ISM1: variants seen among roughly 807,000 people sequenced by gnomAD.
The protein encoded by ISM1 is isthmin 1, also known as isthmin-1.
A neutral mutation model predicts 46.3 loss-of-function variants in ISM1; 25 were observed. The observed-to-expected ratio is 0.54, with a 90% CI of 0.39 to 0.75. ISM1 has a LOEUF of 0.75. Ranked by LOEUF, ISM1 falls within the 30% of genes least tolerant of loss-of-function variation. The pLI, the probability that ISM1 is intolerant of heterozygous loss-of-function variation, is 0.00. For missense variants in ISM1, 536 were observed against 625.4 expected, an observed-to-expected ratio of 0.86 and a Z score of 1.52; for synonymous variants, 255 against 256.7, an observed-to-expected ratio of 0.99 and a Z score of 0.06.
At chr20:13,229,485 TTGTG>T (rs1301426466) in intron 1 of ISM1, among the ~76,000 whole-genome samples, 1 of 152,230 alleles carries the variant, frequency 6.6e-6, no homozygotes, top group Non-Finnish European at 1.5e-5. Flanking sequence ...TTCATTTATT[TTGTG>T]TGTATCAGTA....
chr20:13,247,828 A>C (rs747197624), intron 1 of ISM1, among the ~76,000 whole-genome samples: 2 of 152,196 alleles, frequency 1.3e-5, no homozygotes, highest in Non-Finnish European at 2.9e-5. Context: ...GTTTTCAAAA[A>C]GAAGTAGGAT....
chr20:13,224,876 T>C (rs12480257), intron 1 of ISM1, among the ~76,000 whole-genome samples: 50,102 of 140,838 alleles, frequency 0.36, 10,294 homozygotes, highest in East Asian at 0.84. Flanking sequence ...GACGCAGTCT[T>C]GCTCTGTCGC....
chr20:13,239,559 C>G (rs2039692964), intron 1 of ISM1: 1 of 152,146 alleles, frequency 6.6e-6, no homozygotes, highest in African/African-American at 2.4e-5. Flanking sequence ...TTTGTGCCAC[C>G]AGGATACGTG....
chr20:13,230,751 A>AAAAAG (rs762232268), intron 1 of ISM1, among the ~76,000 whole-genome samples: 2 of 152,012 alleles, frequency 1.3e-5, no homozygotes, highest in Non-Finnish European at 2.9e-5. Context: ...TTGTAGAAAA[A>AAAAAG]AAAAGAAAAG....
At chr20:13,279,453 G>A (rs919091741) in intron 2 of ISM1, among the ~76,000 whole-genome samples, 181 bp from the exon 3 acceptor site, 6 of 152,130 alleles carry the variant, frequency 3.9e-5, no homozygotes, top group African/African-American at 7.2e-5. Context: ...CCATCTAGCC[G>A]TGGAATTCTT....
intron 3 of ISM1, among the ~76,000 whole-genome samples, chr20:13,281,974 A>C (rs372315651): frequency 2.6e-5 from 4 of 152,144 alleles, no homozygotes; most frequent in South Asian, 2.1e-4. Context: ...CACTAGCATC[A>C]CGTGGAAATG....
At chr20:13,254,458 G>GC (rs113450325) in intron 1 of ISM1, among the ~76,000 whole-genome samples, 9,733 of 152,078 alleles carry the variant, frequency 0.064, 388 homozygotes, top group African/African-American at 0.11. Context: ...CAAAATACCT[G>GC]CCCCCCGCAT....
downstream of ISM1, among the ~76,000 whole-genome samples, chr20:13,303,759 G>T (rs2040477942): frequency 6.6e-6 from 1 of 152,214 alleles, no homozygotes; most frequent in South Asian, 2.1e-4. Context: ...GGATACAGCG[G>T]TGTACAAATC....
chr20:13,304,497 A>G (rs1184158321), downstream of ISM1, among the ~76,000 whole-genome samples: 1 of 152,168 alleles, frequency 6.6e-6, no homozygotes, highest in Non-Finnish European at 1.5e-5. Context: ...TGCTGTCCCA[A>G]GCATCCCCTC....
At chr20:13,262,950 T>C (rs770921706) in intron 1 of ISM1, among the ~76,000 whole-genome samples, 1 of 152,204 alleles carries the variant, frequency 6.6e-6, no homozygotes, top group Non-Finnish European at 1.5e-5. Flanking sequence ...ATTCCTCAGC[T>C]ATTAGTCAGA....
At chr20:13,309,524 C>T in the ISM1 span, among the ~76,000 whole-genome samples, 1 of 152,024 alleles carries the variant, frequency 6.6e-6, no homozygotes, top group Non-Finnish European at 1.5e-5. Flanking sequence ...GCTTTTCCTC[C>T]AAGATCAGGA....
At chr20:13,250,481 T>C (rs74711930) in intron 1 of ISM1, among the ~76,000 whole-genome samples, 2,216 of 152,256 alleles carry the variant, frequency 0.015, 31 homozygotes, top group Non-Finnish European at 0.023. Flanking sequence ...TCCTCATTGA[T>C]TGGGCAAACC....
At chr20:13,224,201 A>T (rs1293606689) in intron 1 of ISM1, among the ~76,000 whole-genome samples, 1 of 152,186 alleles carries the variant, frequency 6.6e-6, no homozygotes, top group Admixed American at 6.5e-5. Flanking sequence ...TTTTCCAAGC[A>T]GAATGATGAG....
At chr20:13,237,003 T>C (rs1600488331) in intron 1 of ISM1, among the ~76,000 whole-genome samples, 1 of 152,162 alleles carries the variant, frequency 6.6e-6, no homozygotes. Context: ...ACAGTGGCCC[T>C]CTTCTCACAG....
intron 1 of ISM1, among the ~76,000 whole-genome samples, chr20:13,232,083 C>T (rs976619351): frequency 6.6e-6 from 1 of 152,188 alleles, no homozygotes; most frequent in South Asian, 2.1e-4. Flanking sequence ...ACATGCCTTG[C>T]CTCACAGGTA....
In ISM1 at chr20:13,241,440, G is replaced by A. The variant is rs74811360; in HGVS notation, c.138+19526G>A. Among the ~76,000 whole-genome samples the A allele has an allele frequency of 6.3e-3, 962 of 152,258 alleles. 10 individuals are homozygous for A. Among genetic ancestry groups the A allele is most frequent in the African/African-American group, 0.022 (919 of 41,544 alleles). ...GATTGATGATGCAAAACTGAGAGAG[G>A]AGAAATGAGGAGTGAATTCTTCAAG... is the stretch of plus-strand genomic sequence containing the variant. On this transcript the variant is annotated intron_variant, in intron 1 of 5. Coordinates refer to ENST00000262487, the MANE Select transcript of ISM1 (RefSeq NM_080826.2).
chr20:13,256,836 T>G (rs2123209747), intron 1 of ISM1, among the ~76,000 whole-genome samples: 1 of 152,250 alleles, frequency 6.6e-6, no homozygotes, highest in East Asian at 1.9e-4. Context: ...GTGGGAAGCT[T>G]TGAAAGCCAA....
chr20:13,277,340 C>A (rs1047446542), intron 2 of ISM1, among the ~76,000 whole-genome samples: 1 of 152,164 alleles, frequency 6.6e-6, no homozygotes, highest in Non-Finnish European at 1.5e-5. Context: ...TAATTGTGGG[C>A]TTGCCTGGCT....
the ISM1 span, among the ~76,000 whole-genome samples, chr20:13,319,222 GA>G: frequency 1.9e-3 from 275 of 144,388 alleles, 1 homozygote; most frequent in Admixed American, 0.011. Flanking sequence ...TTAGGTAGAA[GA>G]AAAAAAAAAA....
Sources: gnomAD v4.1 joint callset for allele counts (sites outside exome capture counted in the v4.1 genomes callset) on GRCh38, gnomAD v4.1.1 for gene constraint, MANE v1.5 for transcripts, NCBI Gene and HGNC (gene_info 2026-07-23, HGNC 2026-07-21) for gene names.